Variants in NTNG1 observed in about 807,000 individuals in gnomAD.
NTNG1 encodes the protein netrin G1, also known as netrin-G1.
In NTNG1, 16 loss-of-function variants were observed where a neutral mutation model predicts 54.0. That is an observed-to-expected ratio of 0.30 (90% CI 0.20 to 0.45). The LOEUF is 0.45. Ranked by LOEUF, NTNG1 falls within the 20% of genes least tolerant of loss-of-function variation. The pLI is 1.00. For missense variants in NTNG1, 530 were observed against 678.7 expected (o/e 0.78, Z 2.43); for synonymous variants, 255 against 263.1 (o/e 0.97, Z 0.30).
At chr1:107,350,756 T>C (rs905243350) in intron 3 of NTNG1, among the ~76,000 whole-genome samples, 2 of 152,216 alleles carry the variant, frequency 1.3e-5, no homozygotes, top group African/African-American at 4.8e-5. Context: ...AAGACAATGC[T>C]GCAGGATCTC....
chr1:107,237,969 C>T (rs1183054522), intron 2 of NTNG1, among the ~76,000 whole-genome samples: 1 of 152,132 alleles, frequency 6.6e-6, no homozygotes, highest in Non-Finnish European at 1.5e-5. Context: ...CCTAGTGGAG[C>T]TGTGAGAAGA....
At chr1:107,387,551 T>A (rs190147808) in intron 3 of NTNG1, among the ~76,000 whole-genome samples, 6 of 152,316 alleles carry the variant, frequency 3.9e-5, no homozygotes, top group Admixed American at 2.6e-4. Context: ...GGACCACACA[T>A]TGATTAGCAA....
chr1:107,464,419 G>C (rs1268962414), intron 7 of NTNG1, among the ~76,000 whole-genome samples: 4 of 152,146 alleles, frequency 2.6e-5, no homozygotes, highest in Non-Finnish European at 5.9e-5. Context: ...GGGGCCCCAG[G>C]TGTAAAAAGC....
At chr1:107,323,190 T>A (rs11185088) in intron 2 of NTNG1, among the ~76,000 whole-genome samples, 91,045 of 151,800 alleles carry the variant, frequency 0.6, 29,288 homozygotes, top group Non-Finnish European at 0.71. Flanking sequence ...TCAATTCTTT[T>A]CACCCAGCCA....
chr1:107,314,973 A>G (rs1352792437), intron 2 of NTNG1, among the ~76,000 whole-genome samples: 3 of 152,212 alleles, frequency 2.0e-5, no homozygotes, highest in Non-Finnish European at 4.4e-5. Flanking sequence ...CATCCTAAGC[A>G]TCACATATGC....
intron 2 of NTNG1, among the ~76,000 whole-genome samples, chr1:107,268,412 T>C (rs1238356906): frequency 1.3e-5 from 2 of 152,176 alleles, no homozygotes; most frequent in African/African-American, 4.8e-5. Flanking sequence ...TTGGACTCAG[T>C]TGGTTACTCC....
rs575507198 is a variant in NTNG1 at position 107,306,508 on chromosome 1, T to C, written c.247-17774T>C. On this transcript the variant is annotated intron_variant, in intron 2 of 7. Coordinates refer to ENST00000370068, the MANE Select transcript of NTNG1 (RefSeq NM_001113226.3). Reference sequence around the variant, plus strand: ...GCTCATGCCTGTAATCCCAGCACTTTGGGAGGCCAAGGCAGGCAGATCACC... The same window carrying C: ...GCTCATGCCTGTAATCCCAGCACTTCGGGAGGCCAAGGCAGGCAGATCACC... 1.0e-3 allele frequency among the ~76,000 whole-genome samples: 152 copies of C among 152,264 alleles called. 1 individual carries two copies. The highest frequency in any genetic ancestry group is 3.4e-3 in the African/African-American group (143 of 41,558).
chr1:107,427,797 G>C (rs1675000506), intron 5 of NTNG1, among the ~76,000 whole-genome samples: 1 of 151,968 alleles, frequency 6.6e-6, no homozygotes, highest in African/African-American at 2.4e-5. Flanking sequence ...TGCATGTTTA[G>C]CTGAACATGA....
chr1:107,340,075 A>G lies in NTNG1; in HGVS notation c.887+15153A>G, dbSNP rs775275340. Reference sequence around the variant, plus strand: ...TCTGGATGACGTTCTGATAGTCTCAATTTCGTCAAGGTTATTTCTAAACAA... The same window carrying G: ...TCTGGATGACGTTCTGATAGTCTCAGTTTCGTCAAGGTTATTTCTAAACAA... On this transcript the variant is annotated intron_variant, in intron 3 of 7. Coordinates refer to ENST00000370068, the MANE Select transcript of NTNG1 (RefSeq NM_001113226.3). Among the ~76,000 whole-genome samples the G allele has an allele frequency of 3.3e-5, 5 of 152,172 alleles. No homozygotes were observed. The South Asian group carries it at 8.3e-4, about 25-fold the overall frequency.
At chr1:107,251,290 T>C (rs993429602) in intron 2 of NTNG1, among the ~76,000 whole-genome samples, 2 of 152,248 alleles carry the variant, frequency 1.3e-5, no homozygotes, top group Non-Finnish European at 2.9e-5. Flanking sequence ...TAAATGTTTT[T>C]ATTAGTTTGG....
At chr1:107,313,186 G>A (rs1339269828) in intron 2 of NTNG1, among the ~76,000 whole-genome samples, 1 of 152,128 alleles carries the variant, frequency 6.6e-6, no homozygotes, top group Non-Finnish European at 1.5e-5. Context: ...TTTATGATAT[G>A]GTTAGATACT....
intron 2 of NTNG1, among the ~76,000 whole-genome samples, chr1:107,170,964 A>G (rs1422496453): frequency 6.6e-6 from 1 of 152,128 alleles, no homozygotes; most frequent in African/African-American, 2.4e-5. Context: ...CATCGTACAA[A>G]TATTTAGTGT....
intron 2 of NTNG1, among the ~76,000 whole-genome samples, chr1:107,229,183 G>A (rs1459519965): frequency 6.6e-6 from 1 of 151,778 alleles, no homozygotes; most frequent in Non-Finnish European, 1.5e-5. Flanking sequence ...ATGAAGAAGG[G>A]CTCTTCGGAT....
intron 3 of NTNG1, among the ~76,000 whole-genome samples, chr1:107,330,613 G>A (rs986372859): frequency 6.6e-6 from 1 of 152,116 alleles, no homozygotes; most frequent in Non-Finnish European, 1.5e-5. Context: ...CAGGCTTTTA[G>A]TTAATTCATG....
Position 107,143,870 on chromosome 1 carries a change from A to T in NTNG1, c.-526+2730A>T, listed in dbSNP as rs993232732. Among the ~76,000 whole-genome samples, 4 of 152,096 alleles carry T rather than the reference A, an allele frequency of 2.6e-5. No individual in the cohort carries two copies. In the East Asian group the frequency reaches 7.7e-4, roughly 29 times the overall value. ...ATCCCATCCTCAATCATCCTGCAAA[A>T]CATGTGCTATCTAATTTCTTGAATC... On this transcript the variant is annotated intron_variant, in intron 1 of 7. Coordinates refer to ENST00000370068, the MANE Select transcript of NTNG1 (RefSeq NM_001113226.3).
At chr1:107,221,160 C>G (rs1660316665) in intron 2 of NTNG1, among the ~76,000 whole-genome samples, 1 of 151,820 alleles carries the variant, frequency 6.6e-6, no homozygotes, top group Non-Finnish European at 1.5e-5. Flanking sequence ...ATGAAATTGC[C>G]AATATTCACC....
At chr1:107,205,122 C>T (rs902557340) in intron 2 of NTNG1, among the ~76,000 whole-genome samples, 1 of 152,172 alleles carries the variant, frequency 6.6e-6, no homozygotes, top group Non-Finnish European at 1.5e-5. Flanking sequence ...AATTCACACT[C>T]AACCTCCAAA....
intron 7 of NTNG1, among the ~76,000 whole-genome samples, chr1:107,442,818 G>C (rs1425170251): frequency 1.6e-5 from 1 of 63,360 alleles, no homozygotes; most frequent in African/African-American, 4.9e-5. Flanking sequence ...GAAGCAGCTT[G>C]ATAACATATG....
intron 2 of NTNG1, among the ~76,000 whole-genome samples, chr1:107,167,663 TAA>T (rs772181349): frequency 4.7e-4 from 72 of 151,926 alleles, no homozygotes; most frequent in Middle Eastern, 3.2e-3. Flanking sequence ...TGGATATCAT[TAA>T]GGTGATAATA....
Sources: gnomAD v4.1 joint callset for allele counts (sites outside exome capture counted in the v4.1 genomes callset) on GRCh38, gnomAD v4.1.1 for gene constraint, MANE v1.5 for transcripts, NCBI Gene and HGNC (gene_info 2026-07-23, HGNC 2026-07-21) for gene names.